The following AMOTL1 variants were observed in gnomAD, a reference collection of about 807,000 sequenced individuals.
AMOTL1 encodes the protein angiomotin like 1.
A neutral mutation model predicts 102.9 loss-of-function variants in AMOTL1; 45 were observed. The observed-to-expected ratio is 0.44, with a 90% confidence interval of 0.34 to 0.56. The LOEUF (loss-of-function observed/expected upper bound fraction) is 0.56. Ranked by LOEUF, AMOTL1 falls within the 20% of genes least tolerant of loss-of-function variation. AMOTL1 has a pLI of 0.01. For missense variants in AMOTL1, 1,114 were observed against 1,225.6 expected (o/e 0.91, Z 1.36); for synonymous variants, 481 against 484.7 (o/e 0.99, Z 0.10).
chr11:94,826,152 C>T (rs1951959399), intron 4 of AMOTL1, among the ~76,000 whole-genome samples: 3 of 152,016 alleles, frequency 2.0e-5, no homozygotes, highest in South Asian at 4.2e-4. Context: ...AATTACCCAG[C>T]CATGGTGATG....
chr11:94,809,992 A>G (rs1951642979), intron 3 of AMOTL1, among the ~76,000 whole-genome samples: 1 of 152,212 alleles, frequency 6.6e-6, no homozygotes, highest in Non-Finnish European at 1.5e-5. Context: ...TAGATCTTAT[A>G]GATTCATAAC....
chr11:94,768,225 T>A (rs1030565184), upstream of AMOTL1: 19 of 1,126,120 alleles, frequency 1.7e-5, no homozygotes, highest in Admixed American at 5.0e-5. Flanking sequence ...GGGCGGCGGG[T>A]GTCTGCAGAC....
intron 6 of AMOTL1, among the ~76,000 whole-genome samples, chr11:94,831,998 C>T (rs1427117427): frequency 1.3e-5 from 2 of 152,178 alleles, no homozygotes; most frequent in Non-Finnish European, 2.9e-5. Context: ...CATTATATAT[C>T]TCCATGTGTA....
intron 9 of AMOTL1, among the ~76,000 whole-genome samples, chr11:94,860,377 T>C (rs1284355809): frequency 1.3e-5 from 2 of 152,252 alleles, no homozygotes; most frequent in Admixed American, 6.5e-5. Context: ...TTTCTGCTGC[T>C]GTCAGTTTTT....
In AMOTL1 at chr11:94,800,335, C is replaced by T. The variant is rs371604778; in HGVS notation, c.1121+24C>T. On this transcript the variant is annotated intron_variant, in intron 3 of 12. Transcript: ENST00000433060. ...AGGTGATTATCAACTGCAGACGTTT[C>T]GTGCGGCTTTTCAAAATTCAATAGT... 179 of 1,542,596 alleles carry T rather than the reference C, an allele frequency of 1.2e-4. No homozygotes were observed. In the Middle Eastern group the frequency reaches 1.6e-3, roughly 14 times the overall value.
At chr11:94,860,926 T>C (rs1177840620) in intron 9 of AMOTL1, among the ~76,000 whole-genome samples, 1 of 152,172 alleles carries the variant, frequency 6.6e-6, no homozygotes, top group African/African-American at 2.4e-5. Flanking sequence ...AGGCTCATTA[T>C]CGACGTAGGG....
intron 1 of AMOTL1, among the ~76,000 whole-genome samples, chr11:94,707,049 C>T (rs1949940051): frequency 6.6e-6 from 1 of 152,054 alleles, no homozygotes; most frequent in African/African-American, 2.4e-5. Context: ...GAATGCTTCC[C>T]TTCTTTCTCA....
chr11:94,794,944 G>A, intron 1 of AMOTL1, 67 bp from the exon 2 acceptor site: 1 of 1,497,926 alleles, frequency 6.7e-7, no homozygotes, highest in African/African-American at 1.4e-5. Flanking sequence ...GTGGGTTCTT[G>A]TGAGTCACAC....
At chr11:94,796,174 G>A (rs1366451842) in intron 2 of AMOTL1, among the ~76,000 whole-genome samples, 1 of 152,106 alleles carries the variant, frequency 6.6e-6, no homozygotes, top group Admixed American at 6.6e-5. Flanking sequence ...TGACGGTAAG[G>A]GATAAATTTC....
intron 3 of AMOTL1, among the ~76,000 whole-genome samples, chr11:94,803,041 T>C (rs1951505486): frequency 6.6e-6 from 1 of 152,218 alleles, no homozygotes; most frequent in Non-Finnish European, 1.5e-5. Context: ...GAGACGCCTC[T>C]GATGGAGATC....
chr11:94,754,667 C>G (rs1181782163), intron 3 of AMOTL1, among the ~76,000 whole-genome samples: 1 of 152,140 alleles, frequency 6.6e-6, no homozygotes, highest in African/African-American at 2.4e-5. Flanking sequence ...AGCTGACATT[C>G]CACACTGTTT....
intron 9 of AMOTL1, among the ~76,000 whole-genome samples, chr11:94,860,908 G>A (rs1376380521): frequency 6.6e-6 from 1 of 152,098 alleles, no homozygotes; most frequent in Non-Finnish European, 1.5e-5. Context: ...AGTTATTCAC[G>A]GACTCTCAGG....
At position 94,778,312 on chromosome 11, in the gene AMOTL1, T is replaced by C. The variant is rs142193214; in HGVS notation, c.49+9752T>C. Among the ~76,000 whole-genome samples the C allele has an allele frequency of 7.0e-3, 1,071 of 152,300 alleles. 9 individuals are homozygous for C. The highest frequency in any genetic ancestry group is 0.017 in the Middle Eastern group (5 of 294). On this transcript the variant is annotated intron_variant, in intron 1 of 12. Transcript: ENST00000433060. ...ATTGAGAAAATATGATGTAATGTCC[T>C]GCCTGATGGTGGGAAGAGGACCCTA... is the stretch of plus-strand genomic sequence containing the variant.
At chr11:94,840,336 T>G (rs1952271448) in intron 6 of AMOTL1, among the ~76,000 whole-genome samples, 1 of 152,168 alleles carries the variant, frequency 6.6e-6, no homozygotes, top group African/African-American at 2.4e-5. Context: ...GTCCAGAAAA[T>G]TTGGTCGTAG....
At chr11:94,776,817 T>C (rs1951031564) in intron 1 of AMOTL1, among the ~76,000 whole-genome samples, 1 of 152,206 alleles carries the variant, frequency 6.6e-6, no homozygotes, top group African/African-American at 2.4e-5. Context: ...CTGCTGGTCT[T>C]GGGAAAAGTA....
chr11:94,783,859 A>G (rs1189423122), intron 1 of AMOTL1, among the ~76,000 whole-genome samples: 2 of 152,108 alleles, frequency 1.3e-5, no homozygotes, highest in Admixed American at 6.5e-5. Context: ...ATGAGTGAAT[A>G]ATTCTGCCTT....
At chr11:94,711,771 C>T (rs1950025707) in intron 1 of AMOTL1, among the ~76,000 whole-genome samples, 1 of 151,968 alleles carries the variant, frequency 6.6e-6, no homozygotes, top group Admixed American at 6.6e-5. Flanking sequence ...ATAGTTGGTT[C>T]CTTTTTGTTA....
chr11:94,732,117 A>C (rs1029450599), intron 2 of AMOTL1, among the ~76,000 whole-genome samples: 1 of 152,142 alleles, frequency 6.6e-6, no homozygotes, highest in African/African-American at 2.4e-5. Context: ...AGTGCCAGCT[A>C]TTCTATCTCT....
intron 2 of AMOTL1, among the ~76,000 whole-genome samples, chr11:94,731,481 C>A (rs1950350713): frequency 1.3e-5 from 2 of 152,128 alleles, no homozygotes; most frequent in African/African-American, 4.8e-5. Context: ...AAAATGAGAA[C>A]CTCGTGAGGT....
Sources: gnomAD v4.1 joint callset for allele counts (sites outside exome capture counted in the v4.1 genomes callset) on GRCh38, gnomAD v4.1.1 for gene constraint, MANE v1.5 for transcripts, NCBI Gene and HGNC (gene_info 2026-07-23, HGNC 2026-07-21) for gene names.